Variants in EDARADD observed in about 807,000 individuals in gnomAD.
EDARADD encodes the protein ectodysplasin-A receptor-associated adapter protein.
Under a neutral mutation model 25.6 loss-of-function variants are expected in EDARADD, and 20 were observed. The observed-to-expected ratio is 0.78, with a 90% CI of 0.55 to 1.14. The LOEUF is 1.14. Ranked by LOEUF, EDARADD falls within the 50% of genes most tolerant of loss-of-function variation. The probability of loss-of-function intolerance (pLI) is 0.00; values close to 1 mark genes in which losing one functional copy is unlikely to be tolerated. For missense variants in EDARADD, 225 were observed against 270.1 expected, an observed-to-expected ratio of 0.83 and a Z score of 1.17; for synonymous variants, 86 against 94.4, an observed-to-expected ratio of 0.91 and a Z score of 0.52.
chr1:236,415,804 T>C (rs1200327850), intron 3 of EDARADD, among the ~76,000 whole-genome samples: 1 of 151,972 alleles, frequency 6.6e-6, no homozygotes, highest in East Asian at 1.9e-4. Context: ...GCCTCTACCT[T>C]GTAGTCTGCT....
At position 236,480,096 on chromosome 1, in the gene EDARADD, CATATATATATATATAT is replaced by C. The variant is rs72215388; in HGVS notation, c.266-2146_266-2131del. 7.1e-4 allele frequency among the ~76,000 whole-genome samples: 55 copies of C among 77,864 alleles called. 1 individual carries two copies. Among genetic ancestry groups the C allele is most frequent in the South Asian group, 6.4e-3 (14 of 2,188 alleles). 51.1% of individuals were successfully genotyped at this position (77,864 alleles called of 152,430 possible). Reference sequence around the variant, plus strand: ...ATCTCAGTGTGCCTTTTAAGTATGCCATATATATATATATATATATATATATATATATATATATATC... The same window carrying C: ...ATCTCAGTGTGCCTTTTAAGTATGCCATATATATATATATATATATATATC... On this transcript the variant is annotated intron_variant, in intron 5 of 5. Transcript: ENST00000334232.
At chr1:236,393,391 C>CTTTTTTTTTTTTTT (rs761525038), upstream of EDARADD, among the ~76,000 whole-genome samples, 81 of 87,198 alleles carry the variant, frequency 9.3e-4, 5 homozygotes, top group African/African-American at 3.1e-3. Flanking sequence ...TTCTTTCTTT[C>CTTTTTTTTTTTTTT]TTTTTTTTTT....
At chr1:236,350,025 T>C (rs1262064296) in intron 2 of EDARADD, among the ~76,000 whole-genome samples, 1 of 152,086 alleles carries the variant, frequency 6.6e-6, no homozygotes, top group African/African-American at 2.4e-5. Context: ...GGCAGGAGGA[T>C]TGCTTGAACC....
At chr1:236,392,487 G>A (rs1260294514), upstream of EDARADD, among the ~76,000 whole-genome samples, 1 of 103,546 alleles carries the variant, frequency 9.7e-6, no homozygotes, top group Non-Finnish European at 1.9e-5. Context: ...ACCATGCTCA[G>A]CTAATTTTTT....
intron 4 of EDARADD, among the ~76,000 whole-genome samples, chr1:236,436,622 G>A (rs1393212446): frequency 5.0e-5 from 1 of 20,174 alleles, no homozygotes; most frequent in African/African-American, 9.5e-5. Context: ...GCAAGATCTT[G>A]TCAAAAAAAA....
chr1:236,455,188 T>C (rs1404590812), intron 4 of EDARADD, among the ~76,000 whole-genome samples: 1 of 148,944 alleles, frequency 6.7e-6, no homozygotes, highest in Non-Finnish European at 1.5e-5. Flanking sequence ...CCAGCCTGGG[T>C]GACAGAGCAA....
At chr1:236,353,794 A>G (rs1666945504) in intron 3 of EDARADD, among the ~76,000 whole-genome samples, 2 of 151,666 alleles carry the variant, frequency 1.3e-5, no homozygotes, top group Admixed American at 1.3e-4. Context: ...GCATCTTTTC[A>G]TCATTTGGCT....
At chr1:236,416,320 C>T (rs2103011309) in intron 3 of EDARADD, among the ~76,000 whole-genome samples, 1 of 152,274 alleles carries the variant, frequency 6.6e-6, no homozygotes. Context: ...AAAAATCAAG[C>T]TTAAAATCAA....
rs1349792266 is a variant in EDARADD at position 236,421,381 on chromosome 1, C to A, written c.161-6011C>A. ...GCCCATTACAAAAAGAGAACAAGGA[C>A]TGTGCGTGGTCCCCTTGGTAAGGGG... On this transcript the variant is annotated intron_variant, in intron 3 of 5. Transcript: ENST00000334232. Among the ~76,000 whole-genome samples the A allele has an allele frequency of 1.4e-5, 2 of 145,296 alleles. 1 individual carries two copies. The highest frequency in any genetic ancestry group is 5.0e-5 in the African/African-American group (2 of 39,734).
intron 1 of EDARADD, among the ~76,000 whole-genome samples, chr1:236,399,041 G>A (rs1667568962): frequency 6.6e-6 from 1 of 152,090 alleles, no homozygotes; most frequent in Admixed American, 6.5e-5. Context: ...TCCCGTATTG[G>A]CATTTTAGGA....
At chr1:236,373,284 C>T (rs906470146) in intron 3 of EDARADD, among the ~76,000 whole-genome samples, 1 of 152,004 alleles carries the variant, frequency 6.6e-6, no homozygotes, top group African/African-American at 2.4e-5. Context: ...TGGCTCACTG[C>T]AACCTCTGCC....
At chr1:236,472,611 C>T (rs1459014727) in intron 5 of EDARADD, among the ~76,000 whole-genome samples, 2 of 152,206 alleles carry the variant, frequency 1.3e-5, no homozygotes, top group East Asian at 1.9e-4. Flanking sequence ...TCACTGCAAC[C>T]TCTGCCTCCT....
intron 2 of EDARADD, among the ~76,000 whole-genome samples, chr1:236,409,754 G>C (rs1177143630): frequency 4.0e-5 from 6 of 151,552 alleles, no homozygotes; most frequent in East Asian, 1.9e-4. Flanking sequence ...GGTAGAGTGG[G>C]GGTTTCACCA....
chr1:236,417,700 T>C (rs1366229889), intron 3 of EDARADD, among the ~76,000 whole-genome samples: 1 of 152,026 alleles, frequency 6.6e-6, no homozygotes, highest in Non-Finnish European at 1.5e-5. Flanking sequence ...CAGAAGCTGC[T>C]GCTTGATTGT....
Position 236,395,862 on chromosome 1 carries a change from C to T in EDARADD, c.61+1357C>T, listed in dbSNP as rs577849893. On this transcript the variant is annotated intron_variant, in intron 1 of 5. Transcript: ENST00000334232. The surrounding 1 kb of genome is among the most constrained non-coding windows in gnomAD (Gnocchi z 6.9). Reference sequence around the variant, plus strand: ...CAGCCCCGCGAGCGGCTGCTGACCGCCCCTCCCGCGCTCGCCAGGGCCCCT... The same window carrying T: ...CAGCCCCGCGAGCGGCTGCTGACCGTCCCTCCCGCGCTCGCCAGGGCCCCT... 1.3e-4 allele frequency among the ~76,000 whole-genome samples: 20 copies of T among 151,888 alleles called. No homozygotes were observed. The highest frequency in any genetic ancestry group is 4.8e-4 in the African/African-American group (20 of 41,456).
intron 3 of EDARADD, among the ~76,000 whole-genome samples, chr1:236,374,282 C>G (rs984975789): frequency 1.3e-5 from 2 of 148,780 alleles, no homozygotes; most frequent in African/African-American, 5.0e-5. Context: ...CCCTTCCTCC[C>G]TTCCTTCCTT....
intron 4 of EDARADD, among the ~76,000 whole-genome samples, chr1:236,429,028 C>G (rs924357654): frequency 6.6e-6 from 1 of 152,208 alleles, no homozygotes; most frequent in Admixed American, 6.5e-5. Context: ...CCCAGGCACT[C>G]GGCAGGCTGA....
Position 236,483,418 on chromosome 1 carries a change from C to A in EDARADD, c.*769C>A. ...CTGGTTAGCAAGAAACTGAACGTCA[C>A]AGAACAAGAGAAGATTGACAAACTT... On this transcript the variant is annotated 3_prime_UTR_variant, in exon 6 of 6. Transcript: ENST00000334232. 1 of 1,167,090 alleles carries A rather than the reference C, an allele frequency of 8.6e-7. No individual in the cohort carries two copies. The highest frequency in any genetic ancestry group is 1.3e-6 in the Non-Finnish European group (1 of 775,096). 72.3% of individuals were successfully genotyped at this position (1,167,090 alleles called of 1,614,324 possible). A position where few individuals can be genotyped will look rare whatever the true frequency, so the allele number is the denominator to read the frequency against.
Position 236,395,530 on chromosome 1 carries a change from G to C in EDARADD, c.61+1025G>C, listed in dbSNP as rs879432834. ...AGCCACGGTTTGCTCCAGGCGCGTC[G>C]GAACCGCAGGACTTTTCATCCCCGT... On this transcript the variant is annotated intron_variant, in intron 1 of 5. Transcript: ENST00000334232. This position sits in a 1 kb window ranked among gnomAD's most constrained non-coding sequence, Gnocchi z 6.9. 91 of 1,535,890 alleles carry C rather than the reference G, an allele frequency of 5.9e-5. No individual in the cohort carries two copies. The highest frequency in any genetic ancestry group is 7.8e-5 in the Non-Finnish European group (89 of 1,145,378).
Sources: gnomAD v4.1 joint callset for allele counts (sites outside exome capture counted in the v4.1 genomes callset) on GRCh38, gnomAD v4.1.1 for gene constraint, Gnocchi (gnomAD v3.1) non-coding constraint, MANE v1.5 for transcripts, NCBI Gene and HGNC (gene_info 2026-07-23, HGNC 2026-07-21) for gene names.